Variants in ANK3 observed in about 807,000 individuals in gnomAD.
The protein encoded by ANK3 is ankyrin-3.
In ANK3, 57 loss-of-function variants were observed where a neutral mutation model predicts 370.9. The ratio of observed to expected loss-of-function variants is 0.15; its 90% CI spans 0.12 to 0.19. ANK3 has a LOEUF of 0.19. ANK3 is among the 10% of genes least tolerant of loss of function. The probability of loss-of-function intolerance (pLI) is 1.00; values close to 1 mark genes in which losing one functional copy is unlikely to be tolerated. For synonymous variants in ANK3, 1,929 were observed against 1,946.3 expected (o/e 0.99, Z 0.23); for missense variants, 4,439 against 5,302.1 (o/e 0.84, Z 5.06).
chr10:60,440,990 C>T (rs948758826), intron 2 of ANK3, among the ~76,000 whole-genome samples: 1 of 152,182 alleles, frequency 6.6e-6, no homozygotes, highest in Non-Finnish European at 1.5e-5. Context: ...GGCACTCACT[C>T]TGGAGACAGA....
chr10:60,630,356 A>G (rs2078465138), intron 1 of ANK3, among the ~76,000 whole-genome samples: 1 of 152,200 alleles, frequency 6.6e-6, no homozygotes, highest in African/African-American at 2.4e-5. Context: ...AATTATTTGG[A>G]TGTACAATTA....
intron 2 of ANK3, among the ~76,000 whole-genome samples, chr10:60,593,837 G>T (rs2133296125): frequency 6.6e-6 from 1 of 152,204 alleles, no homozygotes; most frequent in South Asian, 2.1e-4. Flanking sequence ...GAAAATGAAG[G>T]TATCTACATG....
chr10:60,060,904 GA>G (rs1353668603), intron 40 of ANK3, among the ~76,000 whole-genome samples: 4 of 152,170 alleles, frequency 2.6e-5, no homozygotes, highest in Non-Finnish European at 4.4e-5. Flanking sequence ...CACAAAAGGG[GA>G]GGGGGGAACG....
Position 60,499,988 on chromosome 10 carries a change from A to C in ANK3, c.96+115198T>G, listed in dbSNP as rs528890034. On this transcript the variant is annotated intron_variant, in intron 2 of 43. Coordinates refer to the ANK3 transcript ENST00000373827. ...TATTTACCTTTCACATCTTTCAGAA[A>C]CACTTAGGTTGACTAAATATCATCT... Among the ~76,000 whole-genome samples, 19 of 152,346 alleles carry C rather than the reference A, an allele frequency of 1.2e-4. No homozygotes were observed. The South Asian group carries it at 3.9e-3, about 32-fold the overall frequency.
At chr10:60,242,989 C>G (rs1456704632) in intron 7 of ANK3, among the ~76,000 whole-genome samples, 1 of 152,162 alleles carries the variant, frequency 6.6e-6, no homozygotes, top group African/African-American at 2.4e-5. Context: ...TGTCACCGTA[C>G]TTACTTTGTA....
chr10:60,111,762 A>G (rs1445941157), intron 26 of ANK3: 1 of 456,264 alleles, frequency 2.2e-6, no homozygotes, highest in Non-Finnish European at 4.4e-6. Flanking sequence ...AGTGGAGAAG[A>G]ATAGCTGCAA....
At chr10:60,417,736 A>G (rs2063698051) in intron 2 of ANK3, among the ~76,000 whole-genome samples, 1 of 152,156 alleles carries the variant, frequency 6.6e-6, no homozygotes, top group African/African-American at 2.4e-5. Flanking sequence ...CAACAGAAAT[A>G]AATCAGATCC....
At chr10:60,724,118 G>T (rs1236741399) in intron 1 of ANK3, among the ~76,000 whole-genome samples, 1 of 120,480 alleles carries the variant, frequency 8.3e-6, no homozygotes, top group Non-Finnish European at 1.7e-5. Flanking sequence ...GCTGAGGCAG[G>T]AAAATGGCGT....
At chr10:60,663,881 TAGAAC>T (rs1275587509) in intron 1 of ANK3, among the ~76,000 whole-genome samples, 1 of 152,234 alleles carries the variant, frequency 6.6e-6, no homozygotes, top group Non-Finnish European at 1.5e-5. Context: ...ATGAGGTAGT[TAGAAC>T]AGAGCAGATC....
intron 2 of ANK3, among the ~76,000 whole-genome samples, chr10:60,486,003 G>T (rs2075337753): frequency 6.6e-6 from 1 of 152,070 alleles, no homozygotes; most frequent in Non-Finnish European, 1.5e-5. Flanking sequence ...AACAGGAAAG[G>T]GGTGCTTGAG....
At chr10:60,455,872 C>A (rs2064734614) in intron 2 of ANK3, among the ~76,000 whole-genome samples, 1 of 152,172 alleles carries the variant, frequency 6.6e-6, no homozygotes, top group African/African-American at 2.4e-5. Context: ...AAGAGTCACT[C>A]CCCTTGGGAG....
intron 11 of ANK3, among the ~76,000 whole-genome samples, chr10:60,203,779 G>A (rs910189344): frequency 2.7e-4 from 41 of 152,130 alleles, no homozygotes; most frequent in Middle Eastern, 3.2e-3. Flanking sequence ...ACTCTTCAGC[G>A]TAAAGCAGAA....
Position 60,055,765 on chromosome 10 carries a change from G to A in ANK3, c.12958C>T (p.Pro4320Ser), listed in dbSNP as rs752826387. The A allele has an allele frequency of 6.2e-7, 1 of 1,614,180 alleles. No individual in the cohort carries two copies. Among genetic ancestry groups the A allele is most frequent in the Non-Finnish European group, 8.5e-7 (1 of 1,180,016 alleles). Residue 4320 changes from proline to serine, a missense_variant, in exon 42 of 44, where the codon CCC (proline) becomes TCC (serine). Coordinates refer to ENST00000280772, the MANE Select transcript of ANK3 (RefSeq NM_020987.5). ...TSKLIIEETKPCVPVSMKKMS... is the reference protein window; with the variant it reads ...TSKLIIEETKSCVPVSMKKMS... ...TTTTTCATACTGACAGGCACACAGG[G>A]TTTAGTCTCTTCTATTATAAGCTTG...
rs139347973 is a variant in ANK3, at chr10:60,156,182, G to C, written c.2614+10409C>G. On this transcript the variant is annotated intron_variant, in intron 23 of 43. Coordinates refer to ENST00000280772, the MANE Select transcript of ANK3 (RefSeq NM_020987.5). ...TCATCCCCCAATTCCAGGCAGTGCAGCTCAGGGACTCTTTTCACTTGGAGA... is the reference window on the plus strand; with the variant it reads ...TCATCCCCCAATTCCAGGCAGTGCACCTCAGGGACTCTTTTCACTTGGAGA... 4.2e-3 allele frequency among the ~76,000 whole-genome samples: 634 copies of C among 152,280 alleles called. 5 individuals carry two copies. The highest frequency in any genetic ancestry group is 0.015 in the African/African-American group (607 of 41,556).
chr10:60,309,516 A>G (rs529999233), intron 1 of ANK3, among the ~76,000 whole-genome samples: 1 of 152,312 alleles, frequency 6.6e-6, no homozygotes, highest in East Asian at 1.9e-4. Flanking sequence ...TGATTAGCAG[A>G]AGAACAAGAC....
intron 7 of ANK3, among the ~76,000 whole-genome samples, chr10:60,255,892 C>G (rs1241743527): frequency 6.6e-6 from 1 of 152,238 alleles, no homozygotes; most frequent in East Asian, 1.9e-4. Context: ...TCCTTCCTCA[C>G]TGGGGCCCAG....
intron 18 of ANK3, among the ~76,000 whole-genome samples, chr10:60,175,153 C>A (rs1354758732): frequency 6.6e-6 from 1 of 152,222 alleles, no homozygotes; most frequent in Non-Finnish European, 1.5e-5. Flanking sequence ...ATCCCCCATC[C>A]ATACATCTTT....
chr10:60,503,232 C>G (rs2075851937), intron 2 of ANK3, among the ~76,000 whole-genome samples: 1 of 152,148 alleles, frequency 6.6e-6, no homozygotes, highest in Admixed American at 6.6e-5. Flanking sequence ...CCAAAGAAAT[C>G]TAAACTCTGA....
intron 20 of ANK3, among the ~76,000 whole-genome samples, chr10:60,172,652 T>C (rs1178702467): frequency 1.3e-5 from 2 of 151,842 alleles, no homozygotes; most frequent in Non-Finnish European, 3.0e-5. Context: ...CCAACACAAT[T>C]TTTTTTTCTT....
Sources: gnomAD v4.1 joint callset for allele counts (sites outside exome capture counted in the v4.1 genomes callset) on GRCh38, gnomAD v4.1.1 for gene constraint, MANE v1.5 for transcripts, NCBI Gene and HGNC (gene_info 2026-07-23, HGNC 2026-07-21) for gene names.